CTNNA3: variants seen among roughly 807,000 people sequenced by gnomAD.
CTNNA3 encodes the protein catenin alpha-3.
CTNNA3 carries 76 observed loss-of-function variants against 95.7 expected under a neutral mutation model. That is an observed-to-expected ratio of 0.79 (90% CI 0.66 to 0.96). CTNNA3 has a LOEUF of 0.96. CTNNA3 is among the 40% of genes least tolerant of loss of function. The pLI is 0.00. For synonymous variants in CTNNA3, 431 were observed against 374.4 expected, an observed-to-expected ratio of 1.15 and a Z score of -1.74; for missense variants, 1,191 against 1,089.8, an observed-to-expected ratio of 1.09 and a Z score of -1.31.
intron 7 of CTNNA3, among the ~76,000 whole-genome samples, chr10:66,899,610 T>C (rs1406839854): frequency 1.3e-5 from 2 of 152,082 alleles, no homozygotes; most frequent in African/African-American, 2.4e-5. Context: ...AGGGAAGCCA[T>C]GACAGACTGT....
rs572398351 is a variant in CTNNA3 at position 66,512,144 on chromosome 10, C to G, written c.1531+8473G>C. ...TATAATGACCTCTGTGTCTTTTTAT[C>G]TTTTTATTTTTAATAAAAGTCTATT... On this transcript the variant is annotated intron_variant, in intron 11 of 17. Transcript: ENST00000433211. 2.2e-4 allele frequency among the ~76,000 whole-genome samples: 33 copies of G among 151,930 alleles called. No homozygotes were observed. In the South Asian group the frequency reaches 6.9e-3, roughly 32 times the overall value.
At chr10:66,730,823 G>A (rs1348343692) in intron 9 of CTNNA3, among the ~76,000 whole-genome samples, 4 of 152,106 alleles carry the variant, frequency 2.6e-5, no homozygotes, top group African/African-American at 9.7e-5. Flanking sequence ...CTTCTATCTT[G>A]TCTGAGCTAT....
At chr10:65,943,389 G>A (rs528697825) in intron 17 of CTNNA3, among the ~76,000 whole-genome samples, 13 of 152,282 alleles carry the variant, frequency 8.5e-5, no homozygotes, top group African/African-American at 2.9e-4. Flanking sequence ...GTTTTACACA[G>A]AGGATCTATA....
chr10:66,466,339 TACACAC>T (rs143601111), intron 11 of CTNNA3, among the ~76,000 whole-genome samples: 2,164 of 141,836 alleles, frequency 0.015, 58 homozygotes, highest in African/African-American at 0.053. Context: ...CACCCACCTA[TACACAC>T]ACACACACAC....
intron 7 of CTNNA3, among the ~76,000 whole-genome samples, chr10:66,786,813 A>C (rs1423494845): frequency 6.6e-6 from 1 of 152,156 alleles, no homozygotes; most frequent in Non-Finnish European, 1.5e-5. Context: ...AGAAATATGT[A>C]GAATATTGAC....
At chr10:66,997,656 C>G (rs1431325032) in intron 7 of CTNNA3, among the ~76,000 whole-genome samples, 1 of 152,140 alleles carries the variant, frequency 6.6e-6, no homozygotes, top group Non-Finnish European at 1.5e-5. Context: ...TCTCTCTGTT[C>G]TATCACATTT....
intron 5 of CTNNA3, among the ~76,000 whole-genome samples, chr10:67,479,600 T>A (rs908212732): frequency 6.6e-6 from 1 of 152,048 alleles, no homozygotes; most frequent in African/African-American, 2.4e-5. Flanking sequence ...AAAGCAATGT[T>A]AATTTATAAT....
At chr10:66,870,707 C>A (rs1215042843) in intron 7 of CTNNA3, among the ~76,000 whole-genome samples, 2 of 152,200 alleles carry the variant, frequency 1.3e-5, no homozygotes, top group African/African-American at 4.8e-5. Flanking sequence ...ACTCCACACA[C>A]TGATGCCTAA....
At chr10:66,642,483 A>G (rs546331613) in intron 9 of CTNNA3, among the ~76,000 whole-genome samples, 1 of 152,258 alleles carries the variant, frequency 6.6e-6, no homozygotes, top group East Asian at 1.9e-4. Flanking sequence ...TGTCATTGGC[A>G]TATCTCCACT....
intron 7 of CTNNA3, among the ~76,000 whole-genome samples, chr10:67,037,122 T>C (rs1456204750): frequency 6.6e-6 from 1 of 152,124 alleles, no homozygotes; most frequent in African/African-American, 2.4e-5. Context: ...GAGTTTATTA[T>C]AAGGACTTTA....
In CTNNA3 at chr10:66,805,898, G is replaced by A. The variant is rs142018145; in HGVS notation, c.1048-30374C>T. On this transcript the variant is annotated intron_variant, in intron 7 of 17. Transcript: ENST00000433211. Reference sequence around the variant, plus strand: ...GTGAGCAGCTAGAAAAGTATTTATCGATCAAGTTCCTGTGATACAAAATGC... The same window carrying A: ...GTGAGCAGCTAGAAAAGTATTTATCAATCAAGTTCCTGTGATACAAAATGC... 8.1e-4 allele frequency among the ~76,000 whole-genome samples: 123 copies of A among 152,172 alleles called. 1 individual carries two copies. Among genetic ancestry groups the A allele is most frequent in the Non-Finnish European group, 1.4e-3 (94 of 67,992 alleles).
intron 13 of CTNNA3, among the ~76,000 whole-genome samples, chr10:66,234,104 T>G (rs1438319661): frequency 6.6e-6 from 1 of 152,314 alleles, no homozygotes; most frequent in Admixed American, 6.5e-5. Flanking sequence ...AATGACTGGG[T>G]AGGCACACAA....
intron 11 of CTNNA3, among the ~76,000 whole-genome samples, chr10:66,440,784 T>C (rs185235411): frequency 2.9e-3 from 439 of 152,308 alleles, no homozygotes; most frequent in Non-Finnish European, 5.2e-3. Flanking sequence ...TACAGTTTCT[T>C]GTTTATCAGT....
intron 15 of CTNNA3, among the ~76,000 whole-genome samples, chr10:66,052,829 G>T (rs974713890): frequency 4.6e-5 from 7 of 151,926 alleles, no homozygotes; most frequent in Non-Finnish European, 1.0e-4. Context: ...AATAAATAAA[G>T]AATTAAGTAT....
intron 7 of CTNNA3, among the ~76,000 whole-genome samples, chr10:67,105,794 C>A (rs1409885954): frequency 1.3e-5 from 2 of 152,104 alleles, no homozygotes; most frequent in African/African-American, 2.4e-5. Flanking sequence ...GAGCCCATAC[C>A]AGCTCTAGTC....
At chr10:66,840,640 C>T (rs1362981602) in intron 7 of CTNNA3, among the ~76,000 whole-genome samples, 6 of 152,112 alleles carry the variant, frequency 3.9e-5, no homozygotes, top group Non-Finnish European at 8.8e-5. Context: ...TATTTTCATT[C>T]AATACATGAA....
At chr10:66,049,195 A>T (rs2079897374) in intron 15 of CTNNA3, among the ~76,000 whole-genome samples, 1 of 152,266 alleles carries the variant, frequency 6.6e-6, no homozygotes, top group Non-Finnish European at 1.5e-5. Context: ...CAAGTACAAC[A>T]TCACTGATCA....
chr10:66,383,523 C>A (rs1482821689), intron 11 of CTNNA3, among the ~76,000 whole-genome samples: 3 of 152,140 alleles, frequency 2.0e-5, no homozygotes, highest in African/African-American at 7.2e-5. Flanking sequence ...AAACACTCTG[C>A]AGGATATTAT....
At chr10:66,645,424 C>T (rs1175477943) in intron 9 of CTNNA3, among the ~76,000 whole-genome samples, 2 of 152,046 alleles carry the variant, frequency 1.3e-5, no homozygotes, top group African/African-American at 4.8e-5. Flanking sequence ...ATTTTGCTGC[C>T]TATAGGTGTC....
Sources: gnomAD v4.1 joint callset for allele counts (sites outside exome capture counted in the v4.1 genomes callset) on GRCh38, gnomAD v4.1.1 for gene constraint, MANE v1.5 for transcripts, NCBI Gene and HGNC (gene_info 2026-07-23, HGNC 2026-07-21) for gene names.